COG5: variants seen among roughly 807,000 people sequenced by gnomAD.
COG5 encodes the protein conserved oligomeric Golgi complex subunit 5.
COG5 carries 86 observed loss-of-function variants against 110.4 expected under a neutral mutation model. That is an observed-to-expected ratio of 0.78 (90% CI 0.65 to 0.93). The LOEUF (loss-of-function observed/expected upper bound fraction) is 0.93. Among genes scored for constraint, COG5 ranks in the 40% least tolerant of loss-of-function variants. COG5 has a pLI of 0.00. For synonymous variants in COG5, 360 were observed against 334.6 expected (o/e 1.08, Z -0.83); for missense variants, 1,077 against 987.0 (o/e 1.09, Z -1.22).
intron 19 of COG5, among the ~76,000 whole-genome samples, chr7:107,227,556 T>C (rs1331693204): frequency 6.6e-6 from 1 of 151,606 alleles, no homozygotes; most frequent in Non-Finnish European, 1.5e-5. Flanking sequence ...TGGCAGAAAA[T>C]TTCCATCTTA....
intron 13 of COG5, 134 bp from the exon 14 acceptor site, chr7:107,281,533 T>C (rs1018923392): frequency 8.4e-6 from 6 of 714,508 alleles, no homozygotes; most frequent in South Asian, 3.3e-5. Flanking sequence ...CAAGAACTGG[T>C]TGCATTGTTT....
chr7:107,556,857 A>C (rs888044797), intron 2 of COG5, among the ~76,000 whole-genome samples: 7 of 151,156 alleles, frequency 4.6e-5, no homozygotes, highest in Admixed American at 1.3e-4. Flanking sequence ...TGCAAGCTCC[A>C]ACTCCCAGGT....
intron 6 of COG5, among the ~76,000 whole-genome samples, chr7:107,412,869 G>A (rs1792412399): frequency 6.6e-6 from 1 of 152,132 alleles, no homozygotes; most frequent in Admixed American, 6.5e-5. Flanking sequence ...GAATAGAAAT[G>A]ATGATTATTA....
chr7:107,296,637 T>C (rs950087716), intron 12 of COG5, among the ~76,000 whole-genome samples: 1 of 149,766 alleles, frequency 6.7e-6, no homozygotes, highest in African/African-American at 2.5e-5. Flanking sequence ...CTGCCCAGGC[T>C]GGCCTCTAAC....
intron 6 of COG5, among the ~76,000 whole-genome samples, chr7:107,422,069 A>G (rs926281377): frequency 1.6e-4 from 25 of 152,190 alleles, no homozygotes; most frequent in Non-Finnish European, 2.2e-4. Context: ...AAAAGGTAAA[A>G]TAAATCCAAA....
chr7:107,426,296 A>G (rs1793638529), intron 6 of COG5, among the ~76,000 whole-genome samples: 2 of 152,170 alleles, frequency 1.3e-5, no homozygotes, highest in African/African-American at 4.8e-5. Context: ...GCTCCACTTT[A>G]CAGATGATCA....
intron 6 of COG5, among the ~76,000 whole-genome samples, chr7:107,523,981 A>G (rs879371454): frequency 6.6e-6 from 1 of 152,226 alleles, no homozygotes; most frequent in Non-Finnish European, 1.5e-5. Flanking sequence ...AGACTTGTAC[A>G]TGAATGTTCA....
At chr7:107,378,140 G>A (rs1211464886) in intron 7 of COG5, among the ~76,000 whole-genome samples, 6 of 152,226 alleles carry the variant, frequency 3.9e-5, no homozygotes, top group African/African-American at 7.2e-5. Context: ...GGTCTGGAGC[G>A]GACCTCCAGC....
At chr7:107,290,618 A>C (rs917763038) in intron 12 of COG5, among the ~76,000 whole-genome samples, 4 of 152,162 alleles carry the variant, frequency 2.6e-5, no homozygotes, top group African/African-American at 9.7e-5. Flanking sequence ...GCTAGCAACA[A>C]ATTCTCTTTT....
intron 6 of COG5, among the ~76,000 whole-genome samples, chr7:107,448,563 TC>T (rs895221214): frequency 4.6e-5 from 7 of 152,144 alleles, no homozygotes; most frequent in African/African-American, 4.8e-5. Flanking sequence ...CTGTCCTATT[TC>T]CCCCCTTTTG....
intron 6 of COG5, among the ~76,000 whole-genome samples, chr7:107,420,977 A>T (rs1421040020): frequency 6.6e-6 from 1 of 152,202 alleles, no homozygotes; most frequent in Non-Finnish European, 1.5e-5. Flanking sequence ...AGGGGGAAGG[A>T]AAATACCTTA....
At chr7:107,397,196 C>A (rs1791079574) in intron 7 of COG5, among the ~76,000 whole-genome samples, 1 of 152,108 alleles carries the variant, frequency 6.6e-6, no homozygotes. Context: ...TTGGCTTAGG[C>A]AATTTGGGGA....
intron 19 of COG5, among the ~76,000 whole-genome samples, chr7:107,221,330 G>A (rs1033439808): frequency 6.6e-6 from 1 of 152,134 alleles, no homozygotes; most frequent in African/African-American, 2.4e-5. Context: ...TTAACGAACA[G>A]CAGCCATATG....
chr7:107,366,833 A>G (rs1813668039), intron 8 of COG5, among the ~76,000 whole-genome samples: 1 of 152,098 alleles, frequency 6.6e-6, no homozygotes, highest in Non-Finnish European at 1.5e-5. Flanking sequence ...GTGAATCTGA[A>G]TAAGAAACTG....
intron 6 of COG5, among the ~76,000 whole-genome samples, chr7:107,422,711 C>T (rs879941253): frequency 5.3e-5 from 8 of 150,004 alleles, no homozygotes; most frequent in Non-Finnish European, 1.2e-4. Flanking sequence ...AAAAGCAAGC[C>T]ATGACTCTGT....
chr7:107,253,533 G>A (rs373271819), intron 16 of COG5, among the ~76,000 whole-genome samples: 47 of 152,150 alleles, frequency 3.1e-4, no homozygotes, highest in African/African-American at 1.0e-3. Flanking sequence ...GTAAAAAATG[G>A]ATCAGAATTA....
chr7:107,388,846 G>C (rs1022671340), intron 7 of COG5, among the ~76,000 whole-genome samples: 14 of 152,090 alleles, frequency 9.2e-5, no homozygotes, highest in Admixed American at 2.6e-4. Context: ...CCTGGTACCA[G>C]AGATGAAGGA....
chr7:107,246,641 T>C (rs1354029300), intron 17 of COG5, among the ~76,000 whole-genome samples: 2 of 151,978 alleles, frequency 1.3e-5, no homozygotes, highest in Non-Finnish European at 2.9e-5. Context: ...CACTGATCAT[T>C]AGAGAAATGC....
intron 6 of COG5, among the ~76,000 whole-genome samples, chr7:107,490,041 A>T (rs79374641): frequency 0.018 from 2,743 of 152,266 alleles, 82 homozygotes; most frequent in African/African-American, 0.061. Flanking sequence ...AACAACTAAC[A>T]AACGCATTTT....
Sources: gnomAD v4.1 joint callset for allele counts (sites outside exome capture counted in the v4.1 genomes callset) on GRCh38, gnomAD v4.1.1 for gene constraint, MANE v1.5 for transcripts, NCBI Gene and HGNC (gene_info 2026-07-23, HGNC 2026-07-21) for gene names.